The following TBC1D31 variants were observed in gnomAD, a reference collection of about 807,000 sequenced individuals.
TBC1D31 encodes WD repeat domain 67.
TBC1D31 carries 99 observed loss-of-function variants against 132.9 expected under a neutral mutation model. The observed-to-expected ratio is 0.74, with a 90% CI of 0.63 to 0.88. The LOEUF (loss-of-function observed/expected upper bound fraction) is 0.88. TBC1D31 is among the 40% of genes least tolerant of loss of function. The pLI, the probability that TBC1D31 is intolerant of heterozygous loss-of-function variation, is 0.00. For synonymous variants in TBC1D31, 385 were observed against 419.4 expected (o/e 0.92, Z 1.00); for missense variants, 1,134 against 1,256.6 (o/e 0.90, Z 1.48).
the TBC1D31 span, among the ~76,000 whole-genome samples, chr8:123,159,268 G>GGAAAAA: frequency 1.1e-5 from 1 of 93,934 alleles, no homozygotes; most frequent in Non-Finnish European, 2.2e-5. Flanking sequence ...ATTTGAACAG[G>GGAAAAA]AAAAAAAAAA....
intron 5 of TBC1D31, among the ~76,000 whole-genome samples, chr8:123,094,476 CT>C (rs1347951176): frequency 6.6e-6 from 1 of 151,976 alleles, no homozygotes; most frequent in Non-Finnish European, 1.5e-5. Context: ...GATAAGGGCG[CT>C]TTTGGAAATA....
downstream of TBC1D31, among the ~76,000 whole-genome samples, chr8:123,156,971 G>T (rs1176094278): frequency 1.3e-5 from 2 of 152,200 alleles, no homozygotes; most frequent in Admixed American, 1.3e-4. Flanking sequence ...GCGACGGCCA[G>T]TGCCCAAGGG....
rs910075269 is a variant in TBC1D31 at position 123,141,780 on chromosome 8, C to A, written c.2641-482C>A. 9.2e-4 allele frequency among the ~76,000 whole-genome samples: 139 copies of A among 150,670 alleles called. 1 individual carries two copies. The highest frequency in any genetic ancestry group is 3.2e-3 in the African/African-American group (133 of 40,984). On this transcript the variant is annotated intron_variant, in intron 18 of 21. Transcript: ENST00000287380. ...GCTGAAAACATGGAAATTGTTGAAT[C>A]CCACCCATACCCTAGCCGATAAGTT... is the stretch of plus-strand genomic sequence containing the variant.
At chr8:123,130,822 A>C (rs1820551196) in intron 16 of TBC1D31, among the ~76,000 whole-genome samples, 1 of 151,506 alleles carries the variant, frequency 6.6e-6, no homozygotes, top group Non-Finnish European at 1.5e-5. Context: ...GGATTTCATC[A>C]TGTTGGCTAG....
Position 123,100,708 on chromosome 8 carries a change from A to G in TBC1D31, c.832-99A>G. 6.4e-6 allele frequency: 5 copies of G among 785,988 alleles called. No homozygotes were observed. The South Asian group carries it at 8.0e-5, about 13-fold the overall frequency. 48.7% of individuals were successfully genotyped at this position (785,988 alleles called of 1,614,324 possible). A position where few individuals can be genotyped will look rare whatever the true frequency, so the allele number is the denominator to read the frequency against. ...TACACACATATACACACACACATAC[A>G]TACACAAACGTTGCATACACGTAAA... On this transcript the variant is annotated intron_variant, in intron 6 of 21. Transcript: ENST00000287380.
At position 123,110,480 on chromosome 8, in the gene TBC1D31, C is replaced by G. The variant is rs1818339168; in HGVS notation, c.1436+860C>G. On this transcript the variant is annotated intron_variant, in intron 10 of 21. Coordinates refer to ENST00000287380, the MANE Select transcript of TBC1D31 (RefSeq NM_145647.4). ...GCAGTGATAGAGCTAAGATTAAGCCCAGGTTCCAGAGCCGAAGACTTTTTT... is the reference window on the plus strand; with the variant it reads ...GCAGTGATAGAGCTAAGATTAAGCCGAGGTTCCAGAGCCGAAGACTTTTTT... Among the ~76,000 whole-genome samples the G allele has an allele frequency of 2.6e-5, 4 of 152,200 alleles. No homozygotes were observed. In the South Asian group the frequency reaches 8.3e-4, roughly 32 times the overall value.
intron 10 of TBC1D31, among the ~76,000 whole-genome samples, chr8:123,114,394 C>T (rs1050171239): frequency 2.0e-4 from 31 of 152,106 alleles, no homozygotes; most frequent in Non-Finnish European, 4.1e-4. Flanking sequence ...CATCTTGGCT[C>T]ACTGTAACCT....
chr8:123,129,588 T>C (rs1332265285), intron 15 of TBC1D31, among the ~76,000 whole-genome samples: 1 of 152,188 alleles, frequency 6.6e-6, no homozygotes, highest in African/African-American at 2.4e-5. Context: ...AACATACCTG[T>C]GTGACCTGAC....
the TBC1D31 span, among the ~76,000 whole-genome samples, chr8:123,162,555 G>A: frequency 5.9e-5 from 9 of 152,124 alleles, no homozygotes; most frequent in African/African-American, 1.9e-4. Context: ...CAGGACTTGG[G>A]TCTGGCTGTC....
At chr8:123,106,494 A>G (rs1020898667) in intron 8 of TBC1D31, among the ~76,000 whole-genome samples, 1 of 152,218 alleles carries the variant, frequency 6.6e-6, no homozygotes, top group Non-Finnish European at 1.5e-5. Context: ...GTTGTGCCTA[A>G]TTTATAAATT....
chr8:123,152,584 A>AG, downstream of TBC1D31, among the ~76,000 whole-genome samples: 1 of 152,308 alleles, frequency 6.6e-6, no homozygotes, highest in African/African-American at 2.4e-5. Flanking sequence ...CAGTAAGATC[A>AG]GGCAGGCCAG....
At chr8:123,095,681 A>G (rs1816773293) in intron 5 of TBC1D31, among the ~76,000 whole-genome samples, 1 of 151,878 alleles carries the variant, frequency 6.6e-6, no homozygotes, top group Non-Finnish European at 1.5e-5. Context: ...TTTTACTACA[A>G]CTCCAGTTGC....
chr8:123,107,472 T>C (rs1818041424), intron 8 of TBC1D31, among the ~76,000 whole-genome samples: 1 of 152,244 alleles, frequency 6.6e-6, no homozygotes, highest in Non-Finnish European at 1.5e-5. Flanking sequence ...AACAAAATAT[T>C]ACTTCTTTAA....
In TBC1D31 at chr8:123,084,176, G is replaced by A. The variant is rs1475109807; in HGVS notation, c.355G>A (p.Val119Ile). Residue 119 changes from valine to isoleucine, a missense_variant, in exon 4 of 22, where the codon GTT becomes ATT. Coordinates refer to ENST00000287380, the MANE Select transcript of TBC1D31 (RefSeq NM_145647.4). ...KCFDTVTKEL[V>I]SWMRGHESSV... is the part of the protein sequence containing the mutation. ...TTTTACCACAGTCACCAAGGAGCTA[G>A]TTAGCTGGATGAGAGGACATGAATC... 1 of 1,614,064 alleles carries A rather than the reference G, an allele frequency of 6.2e-7. No homozygotes were observed. The highest frequency in any genetic ancestry group is 8.5e-7 in the Non-Finnish European group (1 of 1,179,986).
At chr8:123,114,320 G>T (rs535609903) in intron 10 of TBC1D31, among the ~76,000 whole-genome samples, 50 of 151,840 alleles carry the variant, frequency 3.3e-4, no homozygotes, top group African/African-American at 5.1e-4. Context: ...TTTGTTTTTT[G>T]TTGTTGTTGT....
At chr8:123,131,147 T>C (rs906283426) in intron 16 of TBC1D31, among the ~76,000 whole-genome samples, 1 of 151,566 alleles carries the variant, frequency 6.6e-6, no homozygotes, top group African/African-American at 2.4e-5. Flanking sequence ...GCAGATCACC[T>C]GAGGTCAGGA....
intron 4 of TBC1D31, among the ~76,000 whole-genome samples, chr8:123,092,369 C>T (rs1816409767): frequency 6.6e-6 from 1 of 152,122 alleles, no homozygotes; most frequent in African/African-American, 2.4e-5. Flanking sequence ...TATTTTAAGG[C>T]TGTTGACACA....
chr8:123,150,137 A>G lies in TBC1D31; in HGVS notation c.3067+9A>G. 2 of 1,594,488 alleles carry G rather than the reference A, an allele frequency of 1.3e-6. No homozygotes were observed. The highest frequency in any genetic ancestry group is 1.7e-6 in the Non-Finnish European group (2 of 1,163,594). Reference sequence around the variant, plus strand: ...GGATCCCTCAACACAGAGTAAGTTGATAAGCAAGAAAATGTTATTCTGCCA... The same window carrying G: ...GGATCCCTCAACACAGAGTAAGTTGGTAAGCAAGAAAATGTTATTCTGCCA... On this transcript the variant is annotated intron_variant, in intron 21 of 21. Transcript: ENST00000287380.
chr8:123,090,040 A>G (rs921554417), intron 4 of TBC1D31, among the ~76,000 whole-genome samples: 3 of 152,230 alleles, frequency 2.0e-5, no homozygotes, highest in African/African-American at 7.2e-5. Context: ...ACTGTTTTTA[A>G]AGAACCTACC....
Sources: allele counts gnomAD v4.1 joint callset (sites outside exome capture counted in the v4.1 genomes callset), GRCh38; gene constraint gnomAD v4.1.1; transcripts MANE v1.5; gene names NCBI Gene and HGNC (gene_info 2026-07-23, HGNC 2026-07-21).